The following IFT74 variants were observed in gnomAD, a reference collection of about 807,000 sequenced individuals.
IFT74 encodes intraflagellar transport protein 74 homolog.
IFT74 carries 92 observed loss-of-function variants against 96.7 expected under a neutral mutation model. That is an observed-to-expected ratio of 0.95 (90% CI 0.80 to 1.13). The LOEUF (loss-of-function observed/expected upper bound fraction) is 1.13. Ranked by LOEUF, IFT74 falls within the 50% of genes most tolerant of loss-of-function variation. The pLI is 0.00. For synonymous variants in IFT74, 223 were observed against 213.2 expected (o/e 1.05, Z -0.40); for missense variants, 811 against 698.2 (o/e 1.16, Z -1.82).
chr9:26,998,969 G>C (rs1001880141), intron 8 of IFT74, among the ~76,000 whole-genome samples: 2 of 152,196 alleles, frequency 1.3e-5, no homozygotes, highest in Non-Finnish European at 2.9e-5. Context: ...ACTCCAGCCT[G>C]GGCGACAGAG....
At chr9:27,028,907 A>T (rs1490584185) in intron 12 of IFT74, 118 bp from the exon 13 acceptor site, 1 of 861,826 alleles carries the variant, frequency 1.2e-6, no homozygotes, top group East Asian at 2.7e-5. Flanking sequence ...TTAGAATAAG[A>T]CATATTATTT....
At chr9:26,987,658 G>GT (rs1465125144) in intron 6 of IFT74, among the ~76,000 whole-genome samples, 5 of 152,214 alleles carry the variant, frequency 3.3e-5, no homozygotes, top group Admixed American at 6.5e-5. Context: ...TTTGCTTTTA[G>GT]TAGACCTTCT....
At position 26,978,158 on chromosome 9, in the gene IFT74, C is replaced by T. The variant is rs781437187; in HGVS notation, c.151C>T (p.Arg51Cys). 144 of 1,607,796 alleles carry T rather than the reference C, an allele frequency of 9.0e-5. No individual in the cohort carries two copies. Among genetic ancestry groups the T allele is most frequent in the South Asian group, 8.3e-4 (74 of 89,402 alleles). The change falls in exon 3 of 20, where the codon CGT becomes TGT. Residue 51 changes from arginine to cysteine, a missense_variant. Coordinates refer to ENST00000380062, the MANE Select transcript of IFT74 (RefSeq NM_025103.4). ...ACCTGGGACAGCAAGACCAGGTTCTCGTGGTTGTCCCATAGGGACTGGTGG... is the reference window on the plus strand; with the variant it reads ...ACCTGGGACAGCAAGACCAGGTTCTTGTGGTTGTCCCATAGGGACTGGTGG... ...MPPGTARPGS[R>C]GCPIGTGGVL... is the part of the protein sequence containing the mutation.
chr9:27,062,668 G>T lies in IFT74; in HGVS notation c.1735G>T (p.Val579Leu). 1 of 1,610,420 alleles carries T rather than the reference G, an allele frequency of 6.2e-7. No homozygotes were observed. Among genetic ancestry groups the T allele is most frequent in the Non-Finnish European group, 8.5e-7 (1 of 1,178,336 alleles). Residue 579 changes from valine to leucine, a missense_variant, in exon 20 of 20, where the codon GTG (valine) becomes TTG (leucine). Physicochemically the swap from Val to Leu is conservative, Grantham distance 32 (BLOSUM62 1). Coordinates refer to ENST00000380062, the MANE Select transcript of IFT74 (RefSeq NM_025103.4). ...TGATTACCAGCCAATTAAGAAAAAT[G>T]TGACCAAGCAGATTGCAGAGTACAA... ...ESDYQPIKKN[V>L]TKQIAEYNKT...
chr9:26,962,743 G>A (rs1396380868), intron 2 of IFT74, among the ~76,000 whole-genome samples: 1 of 151,984 alleles, frequency 6.6e-6, no homozygotes, highest in Non-Finnish European at 1.5e-5. Context: ...CTTGATATGG[G>A]CTAGGCTTTC....
At chr9:26,982,451 ATTTTTT>A in intron 4 of IFT74, 75 of 213,370 alleles carry the variant, frequency 3.5e-4, no homozygotes, top group South Asian at 5.9e-4. Flanking sequence ...TAATTTTTGT[ATTTTTT>A]TTTTTTTTTT....
intron 6 of IFT74, among the ~76,000 whole-genome samples, chr9:26,985,024 G>T (rs1308171401): frequency 6.6e-6 from 1 of 152,090 alleles, no homozygotes; most frequent in African/African-American, 2.4e-5. Context: ...ATTGGAGCAC[G>T]GTTTACAGTA....
chr9:27,020,511 G>C (rs952189250), intron 12 of IFT74, among the ~76,000 whole-genome samples: 1 of 129,176 alleles, frequency 7.7e-6, no homozygotes, highest in African/African-American at 3.0e-5. Context: ...GTCTCCCTCT[G>C]TTGCCCAGGC....
rs199969888 is a variant in IFT74, at chr9:27,017,084, C to G, written c.933+34C>G. ...AACAAACATACTTATTTTAAGATGT[C>G]TGGTTTTGGTACATGTATTGATTTG... On this transcript the variant is annotated intron_variant, in intron 11 of 19. Transcript: ENST00000380062. The G allele has an allele frequency of 1.1e-4, 173 of 1,572,616 alleles. 1 individual carries two copies. The Middle Eastern group carries it at 1.7e-3, about 15-fold the overall frequency.
rs1819778089 is a variant in IFT74 at position 27,048,254 on chromosome 9, CA to C, written c.1314del (p.Ala439LeufsTer4). 6.3e-7 allele frequency: 1 copy of C among 1,599,412 alleles called. No individual in the cohort carries two copies. The highest frequency in any genetic ancestry group is 1.3e-5 in the African/African-American group (1 of 74,590). ...ACTGAAGTGCAGAAATCACAAAGTA[CA>C]GCTCAGAATTTGACTTCAGGTGAGA... The part of the protein sequence containing the change: ...KSTEVQKSQS[T>X]AQNLTSDIQR... On this transcript the variant is annotated frameshift_variant, in exon 16 of 20. Transcript: ENST00000380062. LOFTEE classifies it high-confidence loss of function.
upstream of IFT74, among the ~76,000 whole-genome samples, chr9:26,953,111 A>C (rs1410374014): frequency 6.6e-6 from 1 of 152,226 alleles, no homozygotes; most frequent in Admixed American, 6.5e-5. Flanking sequence ...CTTCCGGGCC[A>C]TAAGTTAGGG....
chr9:26,965,302 T>G (rs1374237771), intron 2 of IFT74, among the ~76,000 whole-genome samples: 1 of 152,188 alleles, frequency 6.6e-6, no homozygotes, highest in Non-Finnish European at 1.5e-5. Context: ...GGGCCAATAC[T>G]CAACCTCCTA....
Position 27,047,373 on chromosome 9 carries a change from T to G in IFT74, c.1206+2T>G, listed in dbSNP as rs1819739051. Reference sequence around the variant, plus strand: ...GCACTCTTGGAGCACTGCAGTCGAGTGAGTACCATGTGCCTGTCTTGGTGT... The same window carrying G: ...GCACTCTTGGAGCACTGCAGTCGAGGGAGTACCATGTGCCTGTCTTGGTGT... On this transcript the variant is annotated splice_donor_variant, in intron 15 of 19. Coordinates refer to ENST00000380062, the MANE Select transcript of IFT74 (RefSeq NM_025103.4). LOFTEE classifies it high-confidence loss of function. 6.3e-7 allele frequency: 1 copy of G among 1,582,064 alleles called. No homozygotes were observed. Among genetic ancestry groups the G allele is most frequent in the South Asian group, 1.1e-5 (1 of 89,316 alleles).
chr9:27,051,211 T>G (rs1459438780), intron 16 of IFT74, among the ~76,000 whole-genome samples: 9 of 152,174 alleles, frequency 5.9e-5, no homozygotes, highest in Non-Finnish European at 1.3e-4. Flanking sequence ...GATAAGGGAT[T>G]ATGGACCTAT....
At position 27,060,670 on chromosome 9, in the gene IFT74, A is replaced by C. The variant is rs1464177763; in HGVS notation, c.1684+19A>C. ...AAAGAATGTATCCTTTAAAAAGCTGAAAATGGGGCCGGGTGCGGTGGCTCA... is the reference window on the plus strand; with the variant it reads ...AAAGAATGTATCCTTTAAAAAGCTGCAAATGGGGCCGGGTGCGGTGGCTCA... On this transcript the variant is annotated intron_variant, in intron 19 of 19. Transcript: ENST00000380062. 37 of 1,582,066 alleles carry C rather than the reference A, an allele frequency of 2.3e-5. No individual in the cohort carries two copies. Among genetic ancestry groups the C allele is most frequent in the Non-Finnish European group, 3.1e-5 (36 of 1,158,418 alleles).
At chr9:27,024,812 A>G (rs1442448210) in intron 12 of IFT74, among the ~76,000 whole-genome samples, 1 of 152,142 alleles carries the variant, frequency 6.6e-6, no homozygotes, top group Admixed American at 6.5e-5. Context: ...TAGCATAAAT[A>G]AAAAAACAGT....
At chr9:27,011,353 T>A (rs561329362) in intron 9 of IFT74, among the ~76,000 whole-genome samples, 79 of 149,002 alleles carry the variant, frequency 5.3e-4, no homozygotes, top group African/African-American at 1.9e-3. Flanking sequence ...AAGGATCTTA[T>A]CTTAGGAGTG....
intron 14 of IFT74, among the ~76,000 whole-genome samples, chr9:27,045,066 C>T (rs1819643994): frequency 1.3e-5 from 2 of 152,292 alleles, no homozygotes; most frequent in East Asian, 3.9e-4. Flanking sequence ...AACCTATAGA[C>T]CAGGGGTCCC....
intron 6 of IFT74, among the ~76,000 whole-genome samples, chr9:26,988,408 T>TA (rs1412308471): frequency 1.3e-5 from 2 of 152,232 alleles, no homozygotes; most frequent in Non-Finnish European, 1.5e-5. Flanking sequence ...CTCCACAAGA[T>TA]ATAATATTCA....
Sources: gnomAD v4.1 joint callset for allele counts (sites outside exome capture counted in the v4.1 genomes callset) on GRCh38, gnomAD v4.1.1 for gene constraint, MANE v1.5 for transcripts, NCBI Gene and HGNC (gene_info 2026-07-23, HGNC 2026-07-21) for gene names.